Variants in SMARCC1 observed in about 807,000 individuals in gnomAD.
SMARCC1 encodes SWI/SNF complex subunit SMARCC1.
SMARCC1 carries 43 observed loss-of-function variants against 147.4 expected under a neutral mutation model. The ratio of observed to expected loss-of-function variants is 0.29; its 90% CI spans 0.23 to 0.38. SMARCC1 has a LOEUF of 0.38. Ranked by LOEUF, SMARCC1 falls within the 10% of genes least tolerant of loss-of-function variation. SMARCC1 has a pLI of 1.00. For missense variants in SMARCC1, 1,119 were observed against 1,381.1 expected, an observed-to-expected ratio of 0.81 and a Z score of 3.01; for synonymous variants, 495 against 484.4, an observed-to-expected ratio of 1.02 and a Z score of -0.29.
chr3:47,701,728 C>T (rs952711357), intron 10 of SMARCC1: 6 of 217,980 alleles, frequency 2.8e-5, no homozygotes, highest in Non-Finnish European at 4.5e-5. Context: ...GTAGGAGAAT[C>T]GCTTGAACCC....
chr3:47,720,670 C>T lies in SMARCC1; in HGVS notation c.712G>A (p.Asp238Asn). Residue 238 changes from aspartate to asparagine, a missense_variant, in exon 7 of 28, where the codon GAC becomes AAC. Physicochemically the swap from Asp to Asn is conservative, Grantham distance 23 (BLOSUM62 1). Coordinates refer to ENST00000254480, the MANE Select transcript of SMARCC1 (RefSeq NM_003074.4). ...CTCACAGCATATGAACATTACCTGT[C>T]TGGGTAAAAGCCCCAATGCACTAAC... ...QVLVHWGFYP[D>N]SYDTWVHSND... The T allele has an allele frequency of 6.2e-7, 1 of 1,602,176 alleles. No homozygotes were observed. Among genetic ancestry groups the T allele is most frequent in the Non-Finnish European group, 8.5e-7 (1 of 1,169,606 alleles).
intron 2 of SMARCC1, among the ~76,000 whole-genome samples, chr3:47,748,048 C>T (rs2034586157): frequency 6.6e-6 from 1 of 151,956 alleles, no homozygotes; most frequent in Non-Finnish European, 1.5e-5. Flanking sequence ...ATCCCAGCTA[C>T]TCGGGAGGCT....
chr3:47,672,359 A>C (rs1305419677), intron 18 of SMARCC1, among the ~76,000 whole-genome samples: 2 of 152,020 alleles, frequency 1.3e-5, no homozygotes, highest in Non-Finnish European at 2.9e-5. Flanking sequence ...GCGCCCGCCA[A>C]CACGCCCGGC....
chr3:47,607,935 A>G (rs2032502548), intron 26 of SMARCC1, among the ~76,000 whole-genome samples: 1 of 152,182 alleles, frequency 6.6e-6, no homozygotes, highest in South Asian at 2.1e-4. Flanking sequence ...CACACAAAAT[A>G]TTAAAAAATT....
At chr3:47,763,661 AT>A (rs762613436) in intron 2 of SMARCC1, among the ~76,000 whole-genome samples, 2 of 151,506 alleles carry the variant, frequency 1.3e-5, no homozygotes, top group African/African-American at 4.9e-5. Flanking sequence ...AAGAAAAAAA[AT>A]ATATATATAC....
At position 47,621,298 on chromosome 3, in the gene SMARCC1, C is replaced by CAAAAAAAA. The variant is rs1183934374; in HGVS notation, c.2781+901_2781+908dup. ...CTGGCAACAGGGCGAGACTCCGTCT[C>CAAAAAAAA]AAAAAAAAAAAAAAAAAAAAGAAAA... On this transcript the variant is annotated intron_variant, in intron 25 of 27. Coordinates refer to ENST00000254480, the MANE Select transcript of SMARCC1 (RefSeq NM_003074.4). Among the ~76,000 whole-genome samples, 5 of 63,218 alleles carry CAAAAAAAA rather than the reference C, an allele frequency of 7.9e-5. No homozygotes were observed. The South Asian group carries it at 3.0e-3, about 38-fold the overall frequency. 41.5% of individuals were successfully genotyped at this position (63,218 alleles called of 152,430 possible).
rs1331642911 is a variant in SMARCC1, at chr3:47,686,594, G to A, written c.1264-424C>T. Among the ~76,000 whole-genome samples the A allele has an allele frequency of 5.3e-5, 8 of 151,622 alleles. No individual in the cohort carries two copies. The South Asian group carries it at 6.3e-4, about 12-fold the overall frequency. The stretch of plus-strand genomic sequence containing the variant: ...ACATTTTTATTGCATACATTTAAAC[G>A]TATTTTAAATACTTTTTTTGATATT... On this transcript the variant is annotated intron_variant, in intron 13 of 27. Transcript: ENST00000254480.
chr3:47,675,531 C>A lies in SMARCC1; in HGVS notation c.1783G>T (p.Asp595Tyr), dbSNP rs763515309. The A allele has an allele frequency of 3.1e-6, 5 of 1,613,260 alleles. No homozygotes were observed. In the South Asian group the frequency reaches 4.4e-5, roughly 14 times the overall value. The change falls in exon 18 of 28, where the codon GAT (aspartate) becomes TAT (tyrosine). Residue 595 changes from aspartate (D) to tyrosine (Y), a missense_variant. By Grantham distance (160) the Asp-to-Tyr change is radical. Around this residue, in one of 6 missense-constraint regions of SMARCC1, gnomAD observed 178 missense variants for 264.6 expected, o/e 0.67. Coordinates refer to ENST00000254480, the MANE Select transcript of SMARCC1 (RefSeq NM_003074.4). The part of the protein sequence containing the change: ...FPEKNKEKPV[D>Y]LQNFGLRTDI... Reference sequence around the variant, plus strand: ...GTACGGAGACCAAAGTTCTGCAAATCAACTGGTTTTTCCTTGTTTTTCTCA... The same window carrying A: ...GTACGGAGACCAAAGTTCTGCAAATAAACTGGTTTTTCCTTGTTTTTCTCA...
At chr3:47,718,563 A>G (rs2034190010) in intron 7 of SMARCC1, among the ~76,000 whole-genome samples, 1 of 152,184 alleles carries the variant, frequency 6.6e-6, no homozygotes. Flanking sequence ...GGTTAAAAAA[A>G]AGTGGGGGGT....
rs1346296411 is a variant in SMARCC1 at position 47,644,008 on chromosome 3, G to A, written c.2321-5228C>T. On this transcript the variant is annotated intron_variant, in intron 21 of 27. Transcript: ENST00000254480. ...TCAAGACCAGCCTGAGCAACAAAGC[G>A]AGATTCCATATCTATAAAAAAATTA... Among the ~76,000 whole-genome samples the A allele has an allele frequency of 3.3e-5, 5 of 152,116 alleles. No homozygotes were observed. In the East Asian group the frequency reaches 5.8e-4, roughly 18 times the overall value.
chr3:47,729,058 G>A lies in SMARCC1; in HGVS notation c.613C>T (p.His205Tyr), dbSNP rs1418368764. 1.2e-6 allele frequency: 2 copies of A among 1,612,224 alleles called. No homozygotes were observed. Among genetic ancestry groups the A allele is most frequent in the East Asian group, 2.2e-5 (1 of 44,856 alleles). Residue 205 changes from histidine (H) to tyrosine (Y), a missense_variant, in exon 6 of 28, where the codon CAC (histidine) becomes TAC (tyrosine). His to Tyr is a moderately conservative substitution (Grantham distance 83, BLOSUM62 2). This residue lies in a region of SMARCC1 where 542 missense variants were observed against 611.8 expected (regional missense o/e 0.89). Coordinates refer to ENST00000254480, the MANE Select transcript of SMARCC1 (RefSeq NM_003074.4). The stretch of plus-strand genomic sequence containing the variant: ...TGTGAGGAAGAATATGGGTAAATGT[G>A]GTGGGAAGCTTTTGACTTCTCATCC... ...FTDEKSKASH[H>Y]IYPYSSSQDD...
intron 25 of SMARCC1, 192 bp from the exon 26 acceptor site, chr3:47,610,519 T>A: frequency 1.6e-6 from 1 of 626,320 alleles, no homozygotes; most frequent in South Asian, 1.9e-5. Flanking sequence ...TTTGGACATC[T>A]GTTACCATGG....
At chr3:47,635,107 T>C (rs376550365) in intron 24 of SMARCC1, 83 bp downstream of exon 24, 33 of 1,220,158 alleles carry the variant, frequency 2.7e-5, no homozygotes, top group Admixed American at 1.0e-4. Context: ...AAGCTCTTTA[T>C]ACTAAATGTT....
intron 9 of SMARCC1, among the ~76,000 whole-genome samples, chr3:47,708,096 T>TTTTTTTTC (rs2034036444): frequency 8.9e-6 from 1 of 112,590 alleles, no homozygotes; most frequent in East Asian, 2.5e-4. Flanking sequence ...TTTTTTTTTT[T>TTTTTTTTC]TTTTTTTTTT....
At chr3:47,715,309 AGCTCAACTTGCAAT>A (rs1201259469) in intron 7 of SMARCC1, among the ~76,000 whole-genome samples, 7 of 152,138 alleles carry the variant, frequency 4.6e-5, no homozygotes, top group African/African-American at 1.7e-4. Flanking sequence ...TAACACTCAA[AGCTCAACTTGCAAT>A]GCTACCCTGG....
chr3:47,781,501 G>T (rs2035047871), intron 1 of SMARCC1, 102 bp downstream of exon 1: 3 of 800,956 alleles, frequency 3.7e-6, no homozygotes, highest in South Asian at 3.3e-5. Context: ...GTTGTCCCTC[G>T]TGGCGTGCGG....
intron 5 of SMARCC1, among the ~76,000 whole-genome samples, chr3:47,730,417 G>T (rs2034357059): frequency 6.6e-6 from 1 of 152,122 alleles, no homozygotes. Flanking sequence ...AGAGTTCAAG[G>T]TTGCAGTGAA....
At chr3:47,763,243 C>A (rs1382027819) in intron 2 of SMARCC1, among the ~76,000 whole-genome samples, 1 of 151,030 alleles carries the variant, frequency 6.6e-6, no homozygotes, top group Non-Finnish European at 1.5e-5. Context: ...AGTTCCTGGG[C>A]TCAAGTGATC....
rs367947414 is a variant in SMARCC1, at chr3:47,750,046, C to T, written c.316-4053G>A. ...GCAGTGAGCCAAGATGGTGCCACTG[C>T]ACTCCAGCCTGGGTGACAGAGCAAG... On this transcript the variant is annotated intron_variant, in intron 2 of 27. Transcript: ENST00000254480. Among the ~76,000 whole-genome samples, 7 of 149,962 alleles carry T rather than the reference C, an allele frequency of 4.7e-5. No homozygotes were observed. In the East Asian group the frequency reaches 1.2e-3, roughly 25 times the overall value.
Sources: allele counts gnomAD v4.1 joint callset (sites outside exome capture counted in the v4.1 genomes callset), GRCh38; gene constraint gnomAD v4.1.1; regional missense constraint gnomAD v4.1.1; transcripts MANE v1.5; gene names NCBI Gene and HGNC (gene_info 2026-07-23, HGNC 2026-07-21).